Variants in MCC observed in about 807,000 individuals in gnomAD.
The protein encoded by MCC is MCC regulator of Wnt signaling pathway.
MCC carries 90 observed loss-of-function variants against 116.2 expected under a neutral mutation model. The ratio of observed to expected loss-of-function variants is 0.77; its 90% CI spans 0.65 to 0.92. MCC has a LOEUF of 0.92. MCC is among the 40% of genes least tolerant of loss of function. The pLI is 0.00. For missense variants in MCC, 1,516 were observed against 1,312.2 expected (o/e 1.16, Z -2.40); for synonymous variants, 578 against 510.5 (o/e 1.13, Z -1.78).
intron 3 of MCC, among the ~76,000 whole-genome samples, chr5:113,268,566 G>A (rs1446051780): frequency 3.3e-5 from 5 of 152,198 alleles, no homozygotes; most frequent in South Asian, 2.1e-4. Context: ...TAGATGATAC[G>A]ACATCTTCTG....
At chr5:113,293,399 C>G (rs897231346) in intron 3 of MCC, among the ~76,000 whole-genome samples, 1 of 152,196 alleles carries the variant, frequency 6.6e-6, no homozygotes, top group African/African-American at 2.4e-5. Flanking sequence ...ACTACTTATG[C>G]TACTTTTGCC....
chr5:113,369,759 T>C (rs1438517211), intron 2 of MCC, among the ~76,000 whole-genome samples: 2 of 152,210 alleles, frequency 1.3e-5, no homozygotes, highest in African/African-American at 4.8e-5. Context: ...AAATGAACTT[T>C]ATCAGACCAG....
At chr5:113,300,903 T>C (rs1766845960) in intron 3 of MCC, among the ~76,000 whole-genome samples, 1 of 152,226 alleles carries the variant, frequency 6.6e-6, no homozygotes, top group South Asian at 2.1e-4. Context: ...ATGATCTGTA[T>C]CCTCATCTCT....
At chr5:113,240,878 A>G (rs760604849) in intron 3 of MCC, among the ~76,000 whole-genome samples, 1 of 152,176 alleles carries the variant, frequency 6.6e-6, no homozygotes, top group Non-Finnish European at 1.5e-5. Context: ...CAAAATAAGG[A>G]GCTGGGTACT....
At chr5:113,432,429 T>C (rs1770687534) in intron 1 of MCC, 1 of 152,078 alleles carries the variant, frequency 6.6e-6, no homozygotes, top group Non-Finnish European at 1.5e-5. Context: ...GTATTTATCA[T>C]GTGCTCAGAG....
chr5:113,206,823 T>C (rs1762932902), intron 3 of MCC, among the ~76,000 whole-genome samples: 1 of 152,240 alleles, frequency 6.6e-6, no homozygotes, highest in African/African-American at 2.4e-5. Context: ...TTCGTAATAT[T>C]TGTATAACCC....
At chr5:113,032,610 T>TTTAA (rs1323904304) in intron 17 of MCC, among the ~76,000 whole-genome samples, 5 of 152,190 alleles carry the variant, frequency 3.3e-5, no homozygotes, top group Admixed American at 2.6e-4. Flanking sequence ...AGACCAATTG[T>TTTAA]TTAATGCTGT....
chr5:113,394,934 T>C (rs1345463697), intron 1 of MCC, among the ~76,000 whole-genome samples: 1 of 152,226 alleles, frequency 6.6e-6, no homozygotes, highest in Non-Finnish European at 1.5e-5. Context: ...CTATGACTAC[T>C]TTTTTGCTAT....
intron 3 of MCC, among the ~76,000 whole-genome samples, chr5:113,297,798 G>A (rs916151529): frequency 6.6e-6 from 1 of 151,170 alleles, no homozygotes; most frequent in Non-Finnish European, 1.5e-5. Context: ...AAATAGGAGG[G>A]GACAGGCAGA....
At chr5:113,256,912 G>A (rs1765026375) in intron 3 of MCC, among the ~76,000 whole-genome samples, 1 of 151,998 alleles carries the variant, frequency 6.6e-6, no homozygotes, top group Non-Finnish European at 1.5e-5. Flanking sequence ...CCATTCTGAG[G>A]GCCAGATTAA....
At chr5:113,046,648 G>C (rs927102216) in intron 16 of MCC, among the ~76,000 whole-genome samples, 1 of 124,870 alleles carries the variant, frequency 8.0e-6, no homozygotes, top group Non-Finnish European at 1.6e-5. Context: ...AAACACTAGC[G>C]CTCTGTCTCT....
intron 1 of MCC, among the ~76,000 whole-genome samples, chr5:113,487,643 C>T (rs186597242): frequency 1.3e-5 from 2 of 152,354 alleles, no homozygotes; most frequent in Non-Finnish European, 2.9e-5. Flanking sequence ...CTAGTTTGCT[C>T]CTGAGCGCTT....
chr5:113,070,936 C>T (rs1753993913), intron 12 of MCC, among the ~76,000 whole-genome samples, 158 bp downstream of exon 12: 1 of 152,196 alleles, frequency 6.6e-6, no homozygotes, highest in South Asian at 2.1e-4. Context: ...ACATCATATT[C>T]ATTACTCTTA....
intron 8 of MCC, among the ~76,000 whole-genome samples, chr5:113,092,989 T>C (rs1436704359): frequency 1.3e-5 from 2 of 152,182 alleles, no homozygotes; most frequent in East Asian, 1.9e-4. Flanking sequence ...TGGGTCACTA[T>C]AGAATGCTAG....
At chr5:113,252,261 T>A (rs1407882304) in intron 3 of MCC, among the ~76,000 whole-genome samples, 1 of 152,108 alleles carries the variant, frequency 6.6e-6, no homozygotes. Flanking sequence ...ACAGATCTGG[T>A]ACGAGGCCGC....
chr5:113,360,213 G>A (rs1000040293), intron 2 of MCC, among the ~76,000 whole-genome samples: 1 of 151,914 alleles, frequency 6.6e-6, no homozygotes, highest in African/African-American at 2.4e-5. Flanking sequence ...AAATGATTTC[G>A]ATTCCAGCTT....
intron 3 of MCC, among the ~76,000 whole-genome samples, chr5:113,181,128 C>G (rs2150308996): frequency 6.6e-6 from 1 of 152,260 alleles, no homozygotes; most frequent in African/African-American, 2.4e-5. Flanking sequence ...TCTAAACTCC[C>G]AGAAACAGGC....
intron 1 of MCC, among the ~76,000 whole-genome samples, chr5:113,448,992 T>C (rs1315361949): frequency 6.9e-6 from 1 of 145,470 alleles, no homozygotes; most frequent in African/African-American, 2.9e-5. Flanking sequence ...AAAGTTAACA[T>C]TGTTTGTTGG....
At chr5:113,126,973 C>A (rs939360449) in intron 5 of MCC, among the ~76,000 whole-genome samples, 1 of 152,138 alleles carries the variant, frequency 6.6e-6, no homozygotes, top group Non-Finnish European at 1.5e-5. Context: ...TATTTCATCA[C>A]CCAGCCCAAT....
Sources: allele counts gnomAD v4.1 joint callset (sites outside exome capture counted in the v4.1 genomes callset), GRCh38; gene constraint gnomAD v4.1.1; transcripts MANE v1.5; gene names NCBI Gene and HGNC (gene_info 2026-07-23, HGNC 2026-07-21).